The following GALNTL6 variants were observed in gnomAD, a reference collection of about 807,000 sequenced individuals.
GALNTL6 encodes the protein polypeptide N-acetylgalactosaminyltransferase-like 6.
In GALNTL6, 46 loss-of-function variants were observed where a neutral mutation model predicts 73.7. The ratio of observed to expected loss-of-function variants is 0.62; its 90% CI spans 0.49 to 0.80. The LOEUF is 0.80. Ranked by LOEUF, GALNTL6 falls within the 30% of genes least tolerant of loss-of-function variation. The pLI, the probability that GALNTL6 is intolerant of heterozygous loss-of-function variation, is 0.00. For synonymous variants in GALNTL6, 259 were observed against 263.7 expected (o/e 0.98, Z 0.17); for missense variants, 604 against 755.0 (o/e 0.80, Z 2.34).
chr4:172,274,323 A>G (rs1483545614), intron 3 of GALNTL6, among the ~76,000 whole-genome samples: 62 of 152,208 alleles, frequency 4.1e-4, no homozygotes, highest in Admixed American at 4.1e-3. Context: ...TACACATTTT[A>G]TATTTCATAC....
chr4:172,175,452 G>A (rs951566846), intron 2 of GALNTL6, among the ~76,000 whole-genome samples: 1 of 152,154 alleles, frequency 6.6e-6, no homozygotes. Flanking sequence ...TAAGGGATTT[G>A]TGTGATTGTG....
chr4:172,379,976 A>G (rs1226306297), intron 5 of GALNTL6: 8 of 796,808 alleles, frequency 1.0e-5, no homozygotes, highest in Middle Eastern at 5.8e-4. Context: ...ACCAAAAGAA[A>G]GAAGTCTTGG....
intron 5 of GALNTL6, among the ~76,000 whole-genome samples, chr4:172,544,986 A>G (rs1192123806): frequency 6.6e-6 from 1 of 152,168 alleles, no homozygotes; most frequent in Non-Finnish European, 1.5e-5. Context: ...TGCTTATATC[A>G]GTGAATATAT....
At chr4:172,719,671 A>G (rs539574727) in intron 5 of GALNTL6, among the ~76,000 whole-genome samples, 1 of 152,302 alleles carries the variant, frequency 6.6e-6, no homozygotes, top group East Asian at 1.9e-4. Flanking sequence ...ATCTATGATT[A>G]CTACAACTGT....
At chr4:172,432,179 A>C (rs568318904) in intron 5 of GALNTL6, among the ~76,000 whole-genome samples, 1 of 151,992 alleles carries the variant, frequency 6.6e-6, no homozygotes, top group Non-Finnish European at 1.5e-5. Flanking sequence ...TAAATCACAC[A>C]GTGTTGAAGC....
intron 2 of GALNTL6, among the ~76,000 whole-genome samples, chr4:171,921,628 C>T (rs192877145): frequency 3.9e-5 from 6 of 152,178 alleles, no homozygotes; most frequent in African/African-American, 1.4e-4. Flanking sequence ...CAAAACAAAG[C>T]TATGAAATTC....
chr4:172,212,427 C>A (rs946293932), intron 2 of GALNTL6, among the ~76,000 whole-genome samples: 1 of 151,972 alleles, frequency 6.6e-6, no homozygotes, highest in South Asian at 2.1e-4. Flanking sequence ...CCAAAGCGCT[C>A]AGATTAGAGG....
At chr4:172,336,810 C>T (rs1157176318) in intron 4 of GALNTL6, among the ~76,000 whole-genome samples, 5 of 152,056 alleles carry the variant, frequency 3.3e-5, no homozygotes, top group Non-Finnish European at 7.4e-5. Context: ...TAGTTTTCTG[C>T]CTTATAGATG....
chr4:171,867,265 T>C (rs1403509848), intron 2 of GALNTL6, among the ~76,000 whole-genome samples: 1 of 152,216 alleles, frequency 6.6e-6, no homozygotes, highest in Non-Finnish European at 1.5e-5. Context: ...GATAAATCTA[T>C]TAATTCAATG....
At chr4:171,880,512 C>G (rs546677499) in intron 2 of GALNTL6, among the ~76,000 whole-genome samples, 62 of 152,208 alleles carry the variant, frequency 4.1e-4, no homozygotes, top group African/African-American at 1.5e-3. Context: ...AATAGATCAC[C>G]CAAAGGGTAG....
At chr4:172,358,820 G>A (rs1742255115) in intron 5 of GALNTL6, among the ~76,000 whole-genome samples, 1 of 131,294 alleles carries the variant, frequency 7.6e-6, no homozygotes, top group Non-Finnish European at 1.6e-5. Flanking sequence ...TTTGACCTTT[G>A]GAAAAAATTC....
chr4:172,152,798 C>T (rs568997191), intron 2 of GALNTL6, among the ~76,000 whole-genome samples: 3 of 152,040 alleles, frequency 2.0e-5, no homozygotes, highest in Non-Finnish European at 2.9e-5. Flanking sequence ...TTTGTAGAGG[C>T]GGGGTTTTGC....
chr4:171,907,233 T>C (rs1395108974), intron 2 of GALNTL6, among the ~76,000 whole-genome samples: 1 of 152,148 alleles, frequency 6.6e-6, no homozygotes, highest in African/African-American at 2.4e-5. Context: ...CATGATTGTG[T>C]ATCTAGAAAA....
chr4:172,627,040 G>A (rs1739196488), intron 5 of GALNTL6, among the ~76,000 whole-genome samples: 1 of 152,060 alleles, frequency 6.6e-6, no homozygotes, highest in South Asian at 2.1e-4. Flanking sequence ...ATCTTGAATA[G>A]GAGTGGTGAG....
At chr4:172,419,170 G>A (rs994130954) in intron 5 of GALNTL6, among the ~76,000 whole-genome samples, 4 of 152,008 alleles carry the variant, frequency 2.6e-5, no homozygotes, top group Admixed American at 2.6e-4. Context: ...TGAATTTCAT[G>A]AATATCGAGA....
At chr4:172,348,380 A>G (rs1284271060) in intron 4 of GALNTL6, 143 bp from the exon 5 acceptor site, 3 of 582,478 alleles carry the variant, frequency 5.2e-6, no homozygotes, top group Middle Eastern at 3.2e-4. Flanking sequence ...CAGGATAACA[A>G]TCATGCTGTA....
At chr4:171,825,926 T>C (rs1465682094) in intron 2 of GALNTL6, among the ~76,000 whole-genome samples, 1 of 152,192 alleles carries the variant, frequency 6.6e-6, no homozygotes, top group East Asian at 1.9e-4. Flanking sequence ...AGTCTTCTGC[T>C]ATTGCTCTTT....
chr4:172,264,584 A>ATATACCATATATATGGCATATATATATG (rs1738381053), intron 3 of GALNTL6, among the ~76,000 whole-genome samples: 1 of 89,574 alleles, frequency 1.1e-5, no homozygotes, highest in Admixed American at 1.3e-4. Flanking sequence ...ATATATATAT[A>ATATACCATATATATGGCATATATATATG]TATATATATT....
At position 173,010,769 on chromosome 4, in the gene GALNTL6, ATTT is replaced by A. The variant is rs146884418; in HGVS notation, c.1488+1490_1488+1492del. On this transcript the variant is annotated intron_variant, in intron 11 of 12. Coordinates refer to ENST00000506823, the MANE Select transcript of GALNTL6 (RefSeq NM_001034845.3). ...ACCACCATGCCCAGCTAATTTTTGT[ATTT>A]TTTTTTTTTTTTTTAGTAGAGACAG... 1.5e-3 allele frequency among the ~76,000 whole-genome samples: 187 copies of A among 125,802 alleles called. 2 individuals are homozygous for A. The highest frequency in any genetic ancestry group is 4.7e-3 in the African/African-American group (166 of 34,954). 82.5% of individuals were successfully genotyped at this position (125,802 alleles called of 152,430 possible).
Sources: gnomAD v4.1 joint callset for allele counts (sites outside exome capture counted in the v4.1 genomes callset) on GRCh38, gnomAD v4.1.1 for gene constraint, MANE v1.5 for transcripts, NCBI Gene and HGNC (gene_info 2026-07-23, HGNC 2026-07-21) for gene names.